The following DGCR2 variants were observed in gnomAD, a reference collection of about 807,000 sequenced individuals.
DGCR2 encodes DiGeorge syndrome critical region gene 2.
DGCR2 carries 24 observed loss-of-function variants against 51.6 expected under a neutral mutation model. That is an observed-to-expected ratio of 0.47 (90% confidence interval 0.34 to 0.65). The LOEUF (loss-of-function observed/expected upper bound fraction) is 0.65. Ranked by LOEUF, DGCR2 falls within the 30% of genes least tolerant of loss-of-function variation. The pLI is 0.01. For synonymous variants in DGCR2, 340 were observed against 315.4 expected (o/e 1.08, Z -0.82); for missense variants, 765 against 772.1 (o/e 0.99, Z 0.11).
intron 6 of DGCR2, 73 bp downstream of exon 6, chr22:19,056,913 T>C: frequency 6.8e-7 from 1 of 1,463,268 alleles, no homozygotes; most frequent in East Asian, 2.5e-5. Context: ...CTCCGAAACC[T>C]TGAACTCAGG....
intron 1 of DGCR2, among the ~76,000 whole-genome samples, chr22:19,096,158 T>C (rs1259447521): frequency 6.6e-6 from 1 of 151,674 alleles, no homozygotes; most frequent in Non-Finnish European, 1.5e-5. Flanking sequence ...TCAGTTTTAT[T>C]AAAAATTTCT....
chr22:19,119,526 A>G (rs2083408731), intron 1 of DGCR2, among the ~76,000 whole-genome samples: 1 of 152,152 alleles, frequency 6.6e-6, no homozygotes, highest in Non-Finnish European at 1.5e-5. Flanking sequence ...ACCAGAGGTC[A>G]GGAGTTCCAG....
chr22:19,092,334 A>C (rs2083087833), intron 1 of DGCR2, among the ~76,000 whole-genome samples: 1 of 134,060 alleles, frequency 7.5e-6, no homozygotes, highest in Non-Finnish European at 1.6e-5. Flanking sequence ...ACAGAACGAG[A>C]CTCCATCTTA....
At chr22:19,078,780 G>A (rs1260662259) in intron 2 of DGCR2, among the ~76,000 whole-genome samples, 1 of 152,158 alleles carries the variant, frequency 6.6e-6, no homozygotes, top group Non-Finnish European at 1.5e-5. Flanking sequence ...ATTTTGTTGA[G>A]GATTTTGTAT....
chr22:19,040,620 C>A (rs577485861), intron 9 of DGCR2, among the ~76,000 whole-genome samples: 1 of 152,240 alleles, frequency 6.6e-6, no homozygotes, highest in Admixed American at 6.5e-5. Flanking sequence ...CCTCACAGAG[C>A]TGCCTCCTGA....
At chr22:19,094,255 C>A (rs942148981) in intron 1 of DGCR2, among the ~76,000 whole-genome samples, 3 of 152,174 alleles carry the variant, frequency 2.0e-5, no homozygotes. Flanking sequence ...TGATGAAACC[C>A]CATCTCTACC....
chr22:19,086,459 A>C (rs2083017626), intron 2 of DGCR2, among the ~76,000 whole-genome samples: 1 of 152,144 alleles, frequency 6.6e-6, no homozygotes, highest in African/African-American at 2.4e-5. Context: ...AGCCTGGGCA[A>C]CAAAGCGAGA....
chr22:19,085,419 A>G (rs2083004067), intron 2 of DGCR2, among the ~76,000 whole-genome samples: 1 of 152,172 alleles, frequency 6.6e-6, no homozygotes. Flanking sequence ...GTCACCTCAA[A>G]AATCTAAGCC....
At chr22:19,066,801 T>G (rs2082754790) in intron 3 of DGCR2, among the ~76,000 whole-genome samples, 2 of 152,172 alleles carry the variant, frequency 1.3e-5, no homozygotes, top group Admixed American at 1.3e-4. Flanking sequence ...CAGGCAGAAG[T>G]GCTGCCTGTT....
At chr22:19,065,177 G>A (rs1395551902) in intron 3 of DGCR2, 110 bp from the exon 4 acceptor site, 1 of 941,522 alleles carries the variant, frequency 1.1e-6, no homozygotes, top group Non-Finnish European at 1.6e-6. Context: ...CTAGAGAAGT[G>A]GGGAAACTGA....
At chr22:19,077,007 A>G (rs62221721) in intron 2 of DGCR2, among the ~76,000 whole-genome samples, 14,272 of 152,238 alleles carry the variant, frequency 0.094, 743 homozygotes, top group Middle Eastern at 0.15. Flanking sequence ...TACAGGCGTG[A>G]GCCGCCGCAC....
intron 5 of DGCR2, among the ~76,000 whole-genome samples, 171 bp downstream of exon 5, chr22:19,063,024 CTGATCTG>C (rs2082701535): frequency 6.6e-6 from 1 of 152,174 alleles, no homozygotes; most frequent in Non-Finnish European, 1.5e-5. Flanking sequence ...AATGCAGGGC[CTGATCTG>C]CAGGCTGCAC....
intron 2 of DGCR2, 39 bp from the exon 3 acceptor site, chr22:19,068,264 G>C: frequency 6.5e-7 from 1 of 1,541,922 alleles, no homozygotes; most frequent in Non-Finnish European, 8.8e-7. Flanking sequence ...AGTCCTGCCT[G>C]TGCAGTCGCA....
At chr22:19,088,002 G>A (rs2083036970) in intron 2 of DGCR2, among the ~76,000 whole-genome samples, 1 of 152,124 alleles carries the variant, frequency 6.6e-6, no homozygotes, top group South Asian at 2.1e-4. Flanking sequence ...ATTCTTTACA[G>A]GCAAATACAA....
chr22:19,109,401 G>A (rs1331621283), intron 1 of DGCR2, among the ~76,000 whole-genome samples: 1 of 152,176 alleles, frequency 6.6e-6, no homozygotes, highest in Non-Finnish European at 1.5e-5. Context: ...AGCGACCCAG[G>A]TGTACACTAA....
intron 2 of DGCR2, among the ~76,000 whole-genome samples, chr22:19,083,766 C>T (rs913307576): frequency 2.7e-5 from 4 of 146,602 alleles, no homozygotes; most frequent in African/African-American, 5.1e-5. Flanking sequence ...CCTCTGATGC[C>T]GAGCTGAAGC....
chr22:19,101,370 A>T (rs548048720), intron 1 of DGCR2, among the ~76,000 whole-genome samples: 37 of 152,194 alleles, frequency 2.4e-4, no homozygotes, highest in Non-Finnish European at 4.6e-4. Flanking sequence ...CTACAAAAGA[A>T]TATTATTCCA....
At chr22:19,063,399 G>C in intron 4 of DGCR2, 121 bp from the exon 5 acceptor site, 1 of 900,954 alleles carries the variant, frequency 1.1e-6, no homozygotes, top group South Asian at 1.5e-5. Flanking sequence ...GGAGTGCAGT[G>C]GTGCGATCTC....
At chr22:19,098,368 T>C (rs1235562282) in intron 1 of DGCR2, among the ~76,000 whole-genome samples, 9 of 152,226 alleles carry the variant, frequency 5.9e-5, no homozygotes, top group Admixed American at 3.3e-4. Context: ...AGATGATAAG[T>C]ATTTCCAGGT....
Sources: allele counts gnomAD v4.1 joint callset (sites outside exome capture counted in the v4.1 genomes callset), GRCh38; gene constraint gnomAD v4.1.1; transcripts MANE v1.5; gene names NCBI Gene and HGNC (gene_info 2026-07-23, HGNC 2026-07-21).